TAX1BP1: variants seen among roughly 807,000 people sequenced by gnomAD.
The protein encoded by TAX1BP1 is tax1-binding protein 1.
TAX1BP1 carries 62 observed loss-of-function variants against 97.7 expected under a neutral mutation model. The observed-to-expected ratio is 0.63, with a 90% CI of 0.52 to 0.78. The LOEUF (loss-of-function observed/expected upper bound fraction) is 0.78, where lower values mean the gene tolerates loss of function less well. TAX1BP1 is among the 30% of genes least tolerant of loss of function. The pLI is 0.00. For missense variants in TAX1BP1, 867 were observed against 916.1 expected, an observed-to-expected ratio of 0.95 and a Z score of 0.69; for synonymous variants, 340 against 304.2, an observed-to-expected ratio of 1.12 and a Z score of -1.23.
intron 8 of TAX1BP1, among the ~76,000 whole-genome samples, chr7:27,790,132 T>C (rs1187330054): frequency 6.6e-6 from 1 of 151,996 alleles, no homozygotes; most frequent in East Asian, 1.9e-4. Context: ...TATACGTATA[T>C]TTATATTTTA....
At chr7:27,797,087 T>G (rs111304141) in intron 12 of TAX1BP1, among the ~76,000 whole-genome samples, 5 of 151,864 alleles carry the variant, frequency 3.3e-5, no homozygotes, top group African/African-American at 1.2e-4. Context: ...AATCTCCGCC[T>G]CCTGGGTTCA....
intron 13 of TAX1BP1, among the ~76,000 whole-genome samples, chr7:27,809,887 A>G (rs1436698129): frequency 2.0e-5 from 3 of 150,596 alleles, no homozygotes; most frequent in Non-Finnish European, 4.4e-5. Flanking sequence ...TAAGTATTTT[A>G]TTATCTCTAA....
chr7:27,780,040 C>T (rs1789193400), intron 5 of TAX1BP1, among the ~76,000 whole-genome samples: 1 of 152,090 alleles, frequency 6.6e-6, no homozygotes, highest in South Asian at 2.1e-4. Context: ...TATAGTTGGG[C>T]AGTGATATGT....
At position 27,785,302 on chromosome 7, in the gene TAX1BP1, A is replaced by G; in HGVS notation, c.752A>G (p.Glu251Gly). ...CATAAAGCAATTGAAAAAGAAACCG[A>G]ATTAGACAGGTATTTCTCATGCTTT... ...VTHKAIEKET[E>G]LDSLKDKLKK... The change falls in exon 6 of 17, where the codon GAA becomes GGA. Residue 251 changes from glutamate (E) to glycine (G), a missense_variant. By Grantham distance (98) the Glu-to-Gly change is moderately conservative. Coordinates refer to ENST00000396319, the MANE Select transcript of TAX1BP1 (RefSeq NM_006024.7). 2 of 1,606,300 alleles carry G rather than the reference A, an allele frequency of 1.2e-6. No homozygotes were observed. Among genetic ancestry groups the G allele is most frequent in the Non-Finnish European group, 1.7e-6 (2 of 1,177,788 alleles).
rs901680184 is a variant in TAX1BP1 at position 27,827,675 on chromosome 7, G to T, written c.2086-63G>T. The T allele has an allele frequency of 2.7e-5, 38 of 1,383,284 alleles. No individual in the cohort carries two copies. The East Asian group carries it at 8.5e-4, about 31-fold the overall frequency. 85.7% of individuals were successfully genotyped at this position (1,383,284 alleles called of 1,614,324 possible). A position where few individuals can be genotyped will look rare whatever the true frequency, so the allele number is the denominator to read the frequency against. On this transcript the variant is annotated intron_variant, in intron 15 of 16. Transcript: ENST00000396319. The stretch of plus-strand genomic sequence containing the variant: ...TTATACTGTCAGTATGTGCTTGATT[G>T]AATTAAGGAATTTATATTTGGTTTT...
chr7:27,785,166 C>G lies in TAX1BP1; in HGVS notation c.616C>G (p.Leu206Val). The part of the protein sequence containing the change: ...CDQLQAEQKG[L>V]TEVTQSLKME... ...ATACCTTGTTGTCACTTCTCAGGGT[C>G]TTACTGAAGTAACACAAAGCTTAAA... Residue 206 changes from leucine to valine, a missense_variant, in exon 6 of 17, where the codon CTT becomes GTT. Coordinates refer to ENST00000396319, the MANE Select transcript of TAX1BP1 (RefSeq NM_006024.7). 1 of 1,605,110 alleles carries G rather than the reference C, an allele frequency of 6.2e-7. No homozygotes were observed. The highest frequency in any genetic ancestry group is 1.3e-5 in the African/African-American group (1 of 74,444).
At chr7:27,817,605 C>T (rs1481702782) in intron 15 of TAX1BP1, among the ~76,000 whole-genome samples, 1 of 152,162 alleles carries the variant, frequency 6.6e-6, no homozygotes, top group East Asian at 1.9e-4. Context: ...CTGGCAGCAA[C>T]ACAATACTGA....
intron 5 of TAX1BP1, among the ~76,000 whole-genome samples, chr7:27,781,805 A>C (rs1789268981): frequency 6.6e-6 from 1 of 151,710 alleles, no homozygotes; most frequent in Non-Finnish European, 1.5e-5. Context: ...TGCAACCTCC[A>C]GCTCCTGGGT....
At chr7:27,778,748 G>A (rs892856329) in intron 5 of TAX1BP1, among the ~76,000 whole-genome samples, 9 of 151,894 alleles carry the variant, frequency 5.9e-5, no homozygotes, top group African/African-American at 2.2e-4. Flanking sequence ...CTGTAGTCCT[G>A]CTACTCGGGA....
intron 13 of TAX1BP1, among the ~76,000 whole-genome samples, chr7:27,804,091 T>C (rs1167007345): frequency 6.6e-6 from 1 of 152,262 alleles, no homozygotes; most frequent in Non-Finnish European, 1.5e-5. Context: ...CAGTGTAAGC[T>C]TGATGCTTTC....
At chr7:27,805,952 G>A (rs1171066514) in intron 13 of TAX1BP1, among the ~76,000 whole-genome samples, 1 of 152,206 alleles carries the variant, frequency 6.6e-6, no homozygotes, top group Non-Finnish European at 1.5e-5. Context: ...CCCTCCAAGT[G>A]TTTCAGATTT....
At chr7:27,821,494 G>A (rs1385397791) in intron 15 of TAX1BP1, among the ~76,000 whole-genome samples, 1 of 151,954 alleles carries the variant, frequency 6.6e-6, no homozygotes, top group African/African-American at 2.4e-5. Context: ...ATTTATCTGG[G>A]CATGGTGGTG....
rs760231567 is a variant in TAX1BP1 at position 27,792,204 on chromosome 7, A to G, written c.1237A>G (p.Lys413Glu). Reference sequence around the variant, plus strand: ...GTTAGCTGATGCAGTGGCAGAACTTAAACTAAATGCTATGAAAAAAGATCA... The same window carrying G: ...GTTAGCTGATGCAGTGGCAGAACTTGAACTAAATGCTATGAAAAAAGATCA... ...KQLADAVAEL[K>E]LNAMKKDQDK... is the part of the protein sequence containing the mutation. The change falls in exon 9 of 17, where the codon AAA (lysine) becomes GAA (glutamate). Residue 413 changes from lysine (K) to glutamate (E), a missense_variant. Transcript: ENST00000396319. 6.2e-7 allele frequency: 1 copy of G among 1,612,562 alleles called. No individual in the cohort carries two copies. The highest frequency in any genetic ancestry group is 8.5e-7 in the Non-Finnish European group (1 of 1,179,296).
chr7:27,779,608 T>C (rs767280505), intron 5 of TAX1BP1, among the ~76,000 whole-genome samples: 39 of 152,242 alleles, frequency 2.6e-4, no homozygotes, highest in Non-Finnish European at 5.3e-4. Context: ...AATGGCAGTG[T>C]ATCAGATGAG....
intron 2 of TAX1BP1, among the ~76,000 whole-genome samples, chr7:27,754,079 T>C (rs1394452215): frequency 6.6e-6 from 1 of 152,218 alleles, no homozygotes. Flanking sequence ...GTCACATTGC[T>C]AATGCATAAC....
intron 5 of TAX1BP1, among the ~76,000 whole-genome samples, chr7:27,782,097 T>A (rs1001917961): frequency 6.6e-6 from 1 of 152,214 alleles, no homozygotes; most frequent in African/African-American, 2.4e-5. Context: ...ACTCTCTTTT[T>A]AAAAACTTTT....
At chr7:27,804,451 A>G (rs574263077) in intron 13 of TAX1BP1, among the ~76,000 whole-genome samples, 1 of 152,300 alleles carries the variant, frequency 6.6e-6, no homozygotes, top group Non-Finnish European at 1.5e-5. Context: ...TCTGATGCCA[A>G]AACTGGTATT....
intron 2 of TAX1BP1, among the ~76,000 whole-genome samples, chr7:27,749,032 A>G (rs915538305): frequency 2.0e-5 from 3 of 152,146 alleles, no homozygotes; most frequent in African/African-American, 7.2e-5. Flanking sequence ...TTTGAAATTA[A>G]TTTTATACAG....
upstream of TAX1BP1, chr7:27,740,072 G>A (rs79168029): frequency 1.3e-5 from 2 of 152,300 alleles, no homozygotes; most frequent in Non-Finnish European, 2.9e-5. Flanking sequence ...TCGCGGAGGG[G>A]AGCGGCGAAC....
Sources: allele counts gnomAD v4.1 joint callset (sites outside exome capture counted in the v4.1 genomes callset), GRCh38; gene constraint gnomAD v4.1.1; transcripts MANE v1.5; gene names NCBI Gene and HGNC (gene_info 2026-07-23, HGNC 2026-07-21).